Variants in PTER observed in about 807,000 individuals in gnomAD.
PTER encodes N-acetyltaurine hydrolase.
In PTER, 38 loss-of-function variants were observed where a neutral mutation model predicts 29.6. That is an observed-to-expected ratio of 1.28 (90% CI 0.99 to 1.68). The LOEUF is 1.68. Ranked by LOEUF, PTER falls within the 40% of genes most tolerant of loss-of-function variation. The pLI is 0.00. For synonymous variants in PTER, 172 were observed against 154.5 expected, an observed-to-expected ratio of 1.11 and a Z score of -0.84; for missense variants, 482 against 427.8, an observed-to-expected ratio of 1.13 and a Z score of -1.12.
At position 16,505,150 on chromosome 10, in the gene PTER, A is replaced by G. The variant is rs745776285; in HGVS notation, c.829A>G (p.Arg277Gly). ...PDIDMPDDNK[R>G]IRRVRLLVEE... ...TATTGACATGCCTGATGATAACAAA[A>G]GAATTAGAAGGTAAATATGGTAAAG... is the stretch of plus-strand genomic sequence containing the variant. Residue 277 changes from arginine (R) to glycine (G), a missense_variant, in exon 4 of 5, where the codon AGA (arginine) becomes GGA (glycine). Transcript: ENST00000535784. 1.2e-6 allele frequency: 2 copies of G among 1,613,928 alleles called. No individual in the cohort carries two copies. Among genetic ancestry groups the G allele is most frequent in the South Asian group, 2.2e-5 (2 of 91,056 alleles).
At position 16,462,007 on chromosome 10, in the gene PTER, C is replaced by T. The variant is rs565580507; in HGVS notation, c.-48-22330C>T. ...CTAGGATTTTTTTTTTTTTTTGAGA[C>T]GAAGTCTTGCTCTTGTCACCCAGGC... On this transcript the variant is annotated intron_variant, in intron 1 of 4. Coordinates refer to ENST00000535784, the MANE Select transcript of PTER (RefSeq NM_001261836.2). Among the ~76,000 whole-genome samples the T allele has an allele frequency of 9.6e-5, 14 of 145,318 alleles. No individual in the cohort carries two copies. In the East Asian group the frequency reaches 2.0e-3, roughly 21 times the overall value.
intron 1 of PTER, among the ~76,000 whole-genome samples, chr10:16,438,198 G>C (rs1319919926): frequency 6.6e-6 from 1 of 152,026 alleles, no homozygotes; most frequent in Non-Finnish European, 1.5e-5. Flanking sequence ...TAGAGACGGG[G>C]TTTCACCATA....
chr10:16,499,973 C>T (rs918917258), intron 3 of PTER, among the ~76,000 whole-genome samples: 9 of 150,734 alleles, frequency 6.0e-5, no homozygotes, highest in African/African-American at 2.2e-4. Context: ...GCTCAAGCAA[C>T]CCTCCCAGAG....
chr10:16,510,727 A>T (rs376343789), intron 4 of PTER, among the ~76,000 whole-genome samples: 22 of 152,226 alleles, frequency 1.4e-4, no homozygotes, highest in African/African-American at 4.8e-4. Context: ...TTATTTAGTG[A>T]AATGCCAAAA....
chr10:16,486,318 C>A, intron 2 of PTER, 34 bp from the exon 3 acceptor site: 1 of 1,560,284 alleles, frequency 6.4e-7, no homozygotes, highest in African/African-American at 1.4e-5. Flanking sequence ...AATTTCACAA[C>A]CTATAAAATA....
chr10:16,459,623 T>C lies in PTER; in HGVS notation c.-49+22576T>C, dbSNP rs192794920. The stretch of plus-strand genomic sequence containing the variant: ...ACAGCAGCTCGTATGTATTCCCTCC[T>C]AATTATGACTCAAACTAGTTCTTGC... On this transcript the variant is annotated intron_variant, in intron 1 of 4. Transcript: ENST00000535784. 1.5e-4 allele frequency among the ~76,000 whole-genome samples: 23 copies of C among 152,344 alleles called. 1 individual carries two copies. The highest frequency in any genetic ancestry group is 4.1e-4 in the South Asian group (2 of 4,828).
chr10:16,448,143 C>T (rs1170764832), intron 1 of PTER, among the ~76,000 whole-genome samples: 1 of 152,216 alleles, frequency 6.6e-6, no homozygotes, highest in African/African-American at 2.4e-5. Context: ...CACTAGTTAT[C>T]TGCAGAAGAT....
At chr10:16,468,666 T>C (rs1215103470) in intron 1 of PTER, among the ~76,000 whole-genome samples, 1 of 151,972 alleles carries the variant, frequency 6.6e-6, no homozygotes. Context: ...CAAAGTCTGA[T>C]GGAAAAGACA....
chr10:16,518,199 G>T (rs1836983159), downstream of PTER, among the ~76,000 whole-genome samples: 1 of 152,162 alleles, frequency 6.6e-6, no homozygotes, highest in Admixed American at 6.5e-5. Flanking sequence ...GATTTTAAAA[G>T]ATTTCTCATT....
At chr10:16,471,163 G>A (rs372067876) in intron 1 of PTER, among the ~76,000 whole-genome samples, 1 of 152,066 alleles carries the variant, frequency 6.6e-6, no homozygotes, top group African/African-American at 2.4e-5. Context: ...CACTAGAAAG[G>A]CATGTAATTT....
intron 1 of PTER, among the ~76,000 whole-genome samples, chr10:16,443,131 C>T (rs1050151564): frequency 5.3e-5 from 8 of 152,148 alleles, no homozygotes; most frequent in Non-Finnish European, 1.0e-4. Context: ...TAACAACAGA[C>T]ATTTATTTTC....
intron 1 of PTER, among the ~76,000 whole-genome samples, chr10:16,451,345 A>G (rs557467012): frequency 1.3e-5 from 2 of 152,340 alleles, no homozygotes; most frequent in Admixed American, 6.5e-5. Context: ...ATACTCAGGA[A>G]CTATACTTTG....
chr10:16,512,178 T>G lies in PTER; in HGVS notation c.*922T>G, dbSNP rs1038551363. On this transcript the variant is annotated 3_prime_UTR_variant, in exon 5 of 5. Coordinates refer to ENST00000535784, the MANE Select transcript of PTER (RefSeq NM_001261836.2). ...TTATGTATCTGAAGAAAAGGTCAGATCTATTGGAAATGACAGCCCGATACT... is the reference window on the plus strand; with the variant it reads ...TTATGTATCTGAAGAAAAGGTCAGAGCTATTGGAAATGACAGCCCGATACT... 2.0e-5 allele frequency: 3 copies of G among 152,170 alleles called. No homozygotes were observed. Among genetic ancestry groups the G allele is most frequent in the Non-Finnish European group, 4.4e-5 (3 of 67,974 alleles). The allele number at this position is 152,170 out of a possible 1,614,324, so 9.4% of individuals were successfully genotyped here.
At chr10:16,452,578 C>T (rs968345655) in intron 1 of PTER, among the ~76,000 whole-genome samples, 4 of 151,872 alleles carry the variant, frequency 2.6e-5, no homozygotes, top group Non-Finnish European at 5.9e-5. Context: ...CTGAGATTTA[C>T]AGGCATGAAC....
In PTER at chr10:16,486,553, A is replaced by T. The variant is rs754692942; in HGVS notation, c.634A>T (p.Ile212Phe). Reference protein sequence around the residue: ...PGRSSRAPFQIIRILQEAGAD... With the variant: ...PGRSSRAPFQFIRILQEAGAD... Reference sequence around the variant, plus strand: ...ACGGAGCTCCAGGGCACCATTTCAGATTATCCGAATATTGCAAGAAGCAGG... The same window carrying T: ...ACGGAGCTCCAGGGCACCATTTCAGTTTATCCGAATATTGCAAGAAGCAGG... Residue 212 changes from isoleucine (I) to phenylalanine (F), a missense_variant, in exon 3 of 5, where the codon ATT becomes TTT. By Grantham distance (21) the Ile-to-Phe change is conservative (BLOSUM62 0). Transcript: ENST00000535784. 3.7e-6 allele frequency: 6 copies of T among 1,613,914 alleles called. No homozygotes were observed. In the African/African-American group the frequency reaches 5.3e-5, roughly 14 times the overall value.
intron 1 of PTER, among the ~76,000 whole-genome samples, chr10:16,446,524 A>G (rs561230517): frequency 3.3e-5 from 5 of 152,242 alleles, no homozygotes; most frequent in Admixed American, 1.3e-4. Context: ...AGATCAAACT[A>G]TTTCAAGTTA....
At chr10:16,444,939 G>C (rs1439685518) in intron 1 of PTER, among the ~76,000 whole-genome samples, 1 of 151,988 alleles carries the variant, frequency 6.6e-6, no homozygotes, top group Non-Finnish European at 1.5e-5. Flanking sequence ...TAAAACTTGG[G>C]GTTTTGAATG....
intron 1 of PTER, among the ~76,000 whole-genome samples, chr10:16,478,571 T>G (rs1031382378): frequency 1.3e-5 from 2 of 151,800 alleles, no homozygotes; most frequent in African/African-American, 4.8e-5. Context: ...TGACCTCAGG[T>G]GATTTGCCTG....
intron 1 of PTER, among the ~76,000 whole-genome samples, chr10:16,444,068 C>T (rs964836447): frequency 3.4e-5 from 5 of 148,344 alleles, no homozygotes; most frequent in Non-Finnish European, 7.4e-5. Context: ...TTGGCGCGAT[C>T]TCGGCTGACT....
Sources: allele counts gnomAD v4.1 joint callset (sites outside exome capture counted in the v4.1 genomes callset), GRCh38; gene constraint gnomAD v4.1.1; transcripts MANE v1.5; gene names NCBI Gene and HGNC (gene_info 2026-07-23, HGNC 2026-07-21).